The following FANCM variants were observed in gnomAD, a reference collection of about 807,000 sequenced individuals.
The protein encoded by FANCM is FA complementation group M.
In FANCM, 140 loss-of-function variants were observed where a neutral mutation model predicts 199.5. That is an observed-to-expected ratio of 0.70 (90% CI 0.61 to 0.81). The LOEUF (loss-of-function observed/expected upper bound fraction) is 0.81, where lower values mean the gene tolerates loss of function less well. FANCM is among the 30% of genes least tolerant of loss of function. The probability of loss-of-function intolerance (pLI) is 0.00; values close to 1 mark genes in which losing one functional copy is unlikely to be tolerated. For synonymous variants in FANCM, 840 were observed against 836.8 expected (o/e 1.00, Z -0.07); for missense variants, 2,410 against 2,421.4 (o/e 1.00, Z 0.10).
At chr14:45,141,887 C>CTTGAGTAAGGATTTTATTGGAT (rs1885993528) in intron 3 of FANCM, among the ~76,000 whole-genome samples, 2 of 151,950 alleles carry the variant, frequency 1.3e-5, no homozygotes, top group African/African-American at 4.8e-5. Flanking sequence ...CTATGCCCAG[C>CTTGAGTAAGGATTTTATTGGAT]CCAGGAGTTT....
rs1888029930 is a variant in FANCM at position 45,167,050 on chromosome 14, C to T, written c.1889C>T (p.Pro630Leu). The change falls in exon 11 of 23, where the codon CCT becomes CTT. Residue 630 changes from proline (P) to leucine (L), a missense_variant. By Grantham distance (98) the Pro-to-Leu change is moderately conservative. Transcript: ENST00000267430. ...TACCAAAGAAGTCCACGAATGGTTCCTGATGGAATCAACCCAAAATTACAC... is the reference window on the plus strand; with the variant it reads ...TACCAAAGAAGTCCACGAATGGTTCTTGATGGAATCAACCCAAAATTACAC... ...HFYQRSPRMV[P>L]DGINPKLHKM... The T allele has an allele frequency of 3.1e-6, 5 of 1,612,450 alleles. No homozygotes were observed. The highest frequency in any genetic ancestry group is 4.2e-6 in the Non-Finnish European group (5 of 1,178,534).
chr14:45,189,425 TTG>T (rs2139299066), intron 20 of FANCM, 63 bp downstream of exon 20: 17 of 1,325,742 alleles, frequency 1.3e-5, no homozygotes, highest in Non-Finnish European at 1.6e-5. Flanking sequence ...TTTTTCTTTC[TTG>T]TGTGTGTGTT....
At chr14:45,194,077 G>A (rs1281672331) in intron 20 of FANCM, among the ~76,000 whole-genome samples, 1 of 152,020 alleles carries the variant, frequency 6.6e-6, no homozygotes, top group African/African-American at 2.4e-5. Flanking sequence ...CGAGGTGGGT[G>A]GATCACCTGA....
intron 20 of FANCM, among the ~76,000 whole-genome samples, chr14:45,192,510 G>A (rs962737124): frequency 6.6e-6 from 1 of 152,176 alleles, no homozygotes; most frequent in Non-Finnish European, 1.5e-5. Flanking sequence ...AGACGTGGTG[G>A]CACATGCCTG....
rs577943188 is a variant in FANCM, at chr14:45,157,343, A to G, written c.1397-1753A>G. On this transcript the variant is annotated intron_variant, in intron 8 of 22. Transcript: ENST00000267430. ...ATTTAAAGTTTCAGGAATAGATGTG[A>G]TTATCAGGACAACAGTTTAGAGATA... Among the ~76,000 whole-genome samples the G allele has an allele frequency of 9.2e-5, 14 of 152,338 alleles. No homozygotes were observed. In the South Asian group the frequency reaches 2.9e-3, roughly 32 times the overall value.
At chr14:45,161,893 T>C (rs1887634039) in intron 9 of FANCM, among the ~76,000 whole-genome samples, 1 of 152,142 alleles carries the variant, frequency 6.6e-6, no homozygotes, top group Non-Finnish European at 1.5e-5. Context: ...AAGATGATGG[T>C]GACTTGGACT....
intron 20 of FANCM, 59 bp from the exon 21 acceptor site, chr14:45,196,113 C>T (rs1224051597): frequency 2.1e-5 from 33 of 1,574,066 alleles, no homozygotes; most frequent in African/African-American, 2.7e-5. Flanking sequence ...GGGTGTGAGA[C>T]GTTTATGGCA....
At chr14:45,187,066 G>A (rs1889445152) in intron 18 of FANCM, among the ~76,000 whole-genome samples, 1 of 152,136 alleles carries the variant, frequency 6.6e-6, no homozygotes, top group Non-Finnish European at 1.5e-5. Flanking sequence ...AAAAGGAGGA[G>A]TCAGTAGGCT....
chr14:45,137,238 C>G lies in FANCM; in HGVS notation c.678C>G (p.Cys226Trp). 1 of 1,610,888 alleles carries G rather than the reference C, an allele frequency of 6.2e-7. No homozygotes were observed. Among genetic ancestry groups the G allele is most frequent in the Non-Finnish European group, 8.5e-7 (1 of 1,179,354 alleles). ...AHKALGNYAY[C>W]QVVRELVKYT... ...AAGCTCTCGGAAACTATGCTTATTG[C>G]CAGGTAATAATTTTGTTAAACGGTA... The change falls in exon 2 of 23, where the codon TGC (cysteine) becomes TGG (tryptophan). Residue 226 changes from cysteine (C) to tryptophan (W), a missense_variant. Cys to Trp is a radical substitution (Grantham distance 215). Coordinates refer to ENST00000267430, the MANE Select transcript of FANCM (RefSeq NM_020937.4).
chr14:45,136,213 C>T lies in FANCM; in HGVS notation c.182C>T (p.Ala61Val), dbSNP rs1417766415. The T allele has an allele frequency of 6.2e-7, 1 of 1,614,140 alleles. No individual in the cohort carries two copies. Among genetic ancestry groups the T allele is most frequent in the Admixed American group, 1.7e-5 (1 of 60,006 alleles). ...ESDDDVLLVAAYEAERQLCLE... is the reference protein window; with the variant it reads ...ESDDDVLLVAVYEAERQLCLE... ...GACGATGATGTGTTGCTTGTCGCGGCGTACGAGGCTGAGCGGCAGTTGTGT... is the reference window on the plus strand; with the variant it reads ...GACGATGATGTGTTGCTTGTCGCGGTGTACGAGGCTGAGCGGCAGTTGTGT... The change falls in exon 1 of 23, where the codon GCG becomes GTG. Residue 61 changes from alanine (A) to valine (V), a missense_variant. Ala to Val is a moderately conservative substitution (Grantham distance 64, BLOSUM62 0). Coordinates refer to ENST00000267430, the MANE Select transcript of FANCM (RefSeq NM_020937.4).
intron 22 of FANCM, among the ~76,000 whole-genome samples, chr14:45,199,411 A>G (rs1392167933): frequency 6.6e-6 from 1 of 152,242 alleles, no homozygotes; most frequent in Non-Finnish European, 1.5e-5. Context: ...AGTTCTGGAT[A>G]CTGGAAGTCT....
intron 20 of FANCM, among the ~76,000 whole-genome samples, chr14:45,194,590 G>A (rs1007549366): frequency 1.3e-5 from 2 of 151,910 alleles, no homozygotes; most frequent in African/African-American, 2.4e-5. Flanking sequence ...ACTTTGTGCA[G>A]CTGCATACAC....
At chr14:45,184,523 G>A (rs1029397980) in intron 17 of FANCM, among the ~76,000 whole-genome samples, 3 of 151,948 alleles carry the variant, frequency 2.0e-5, no homozygotes, top group Non-Finnish European at 2.9e-5. Context: ...TTAGCTGGGC[G>A]TGATGGCACA....
chr14:45,150,957 A>G (rs1223455603), intron 4 of FANCM, among the ~76,000 whole-genome samples: 1 of 152,196 alleles, frequency 6.6e-6, no homozygotes, highest in Non-Finnish European at 1.5e-5. Context: ...AGTAAAATTA[A>G]ATATATTCAG....
rs1243352088 is a variant in FANCM at position 45,177,130 on chromosome 14, TTACTAA to T, written c.4222+157_4222+162del. Among the ~76,000 whole-genome samples, 9 of 151,602 alleles carry T rather than the reference TTACTAA, an allele frequency of 5.9e-5. No individual in the cohort carries two copies. In the East Asian group the frequency reaches 1.5e-3, roughly 26 times the overall value. ...GTGTTATATTTTTCTTAAGATGATCTTACTAATATTAGATTTATTTACATATACTTA... is the reference window on the plus strand; with the variant it reads ...GTGTTATATTTTTCTTAAGATGATCTTATTAGATTTATTTACATATACTTA... On this transcript the variant is annotated intron_variant, in intron 14 of 22. Coordinates refer to ENST00000267430, the MANE Select transcript of FANCM (RefSeq NM_020937.4).
intron 21 of FANCM, among the ~76,000 whole-genome samples, chr14:45,196,854 A>G (rs1472200776): frequency 6.6e-6 from 1 of 152,176 alleles, no homozygotes; most frequent in Non-Finnish European, 1.5e-5. Context: ...TATTCGGGAG[A>G]TGTTTAAGGA....
intron 14 of FANCM, among the ~76,000 whole-genome samples, chr14:45,178,208 C>G (rs1262452874): frequency 6.6e-6 from 1 of 152,164 alleles, no homozygotes; most frequent in Non-Finnish European, 1.5e-5. Context: ...GAAGTAAGTA[C>G]TGGAAATACA....
At chr14:45,198,568 A>AG in intron 21 of FANCM, 76 bp from the exon 22 acceptor site, 2 of 904,552 alleles carry the variant, frequency 2.2e-6, no homozygotes, top group Non-Finnish European at 3.1e-6. Flanking sequence ...TGGGATTTTA[A>AG]TAAAATAAAG....
rs1193559662 is a variant in FANCM at position 45,135,988 on chromosome 14, C to G, written c.-44C>G. The G allele has an allele frequency of 6.2e-7, 1 of 1,608,602 alleles. No individual in the cohort carries two copies. Among genetic ancestry groups the G allele is most frequent in the Non-Finnish European group, 8.5e-7 (1 of 1,177,232 alleles). On this transcript the variant is annotated 5_prime_UTR_variant, in exon 1 of 23. Transcript: ENST00000267430. ...CGGAACCGTAGCGGTTGAGCTGCTG[C>G]TGCTACGGATATCTGACAGAAGCCT...
Sources: allele counts gnomAD v4.1 joint callset (sites outside exome capture counted in the v4.1 genomes callset), GRCh38; gene constraint gnomAD v4.1.1; transcripts MANE v1.5; gene names NCBI Gene and HGNC (gene_info 2026-07-23, HGNC 2026-07-21).